The following MEI1 variants were observed in gnomAD, a reference collection of about 807,000 sequenced individuals.
MEI1 encodes the protein meiotic double-stranded break formation protein 1.
MEI1 carries 103 observed loss-of-function variants against 146.2 expected under a neutral mutation model. That is an observed-to-expected ratio of 0.70 (90% CI 0.60 to 0.83). The LOEUF (loss-of-function observed/expected upper bound fraction) is 0.83. MEI1 is among the 40% of genes least tolerant of loss of function. The pLI is 0.00. For synonymous variants in MEI1, 652 were observed against 628.2 expected (o/e 1.04, Z -0.57); for missense variants, 1,529 against 1,533.0 (o/e 1.00, Z 0.04).
intron 17 of MEI1, among the ~76,000 whole-genome samples, chr22:41,756,434 C>T (rs749832010): frequency 6.6e-6 from 1 of 151,268 alleles, no homozygotes; most frequent in Non-Finnish European, 1.5e-5. Context: ...CCGCACCTGG[C>T]CTTTATTCAA....
At chr22:41,765,163 G>C (rs2074761665) in intron 19 of MEI1, among the ~76,000 whole-genome samples, 1 of 152,126 alleles carries the variant, frequency 6.6e-6, no homozygotes, top group African/African-American at 2.4e-5. Flanking sequence ...TTATAGGCAT[G>C]TGCCACCACG....
Position 41,705,558 on chromosome 22 carries a change from A to G in MEI1, c.349+4A>G. The G allele has an allele frequency of 1.2e-6, 2 of 1,612,070 alleles. No homozygotes were observed. The highest frequency in any genetic ancestry group is 1.7e-6 in the Non-Finnish European group (2 of 1,178,196). On this transcript the variant is annotated splice_donor_region_variant and intron_variant, in intron 3 of 30. Transcript: ENST00000401548. ...GTGACAGACCTCTGTATTGAAGGTA[A>G]GTTGAAACCTTGTATCTAGCACTTG...
chr22:41,744,932 A>T, intron 12 of MEI1, 41 bp from the exon 13 acceptor site: 2 of 1,314,824 alleles, frequency 1.5e-6, no homozygotes, highest in Non-Finnish European at 2.1e-6. Flanking sequence ...GACACAGCAT[A>T]TACTTGATCA....
At chr22:41,723,881 C>G (rs561532410) in intron 6 of MEI1, 62 bp from the exon 7 acceptor site, 23 of 1,541,028 alleles carry the variant, frequency 1.5e-5, no homozygotes, top group Non-Finnish European at 2.0e-5. Context: ...GAGGGGCTAT[C>G]TTGGGAGTAC....
rs542200931 is a variant in MEI1 at position 41,784,512 on chromosome 22, A to C, written c.3169+92A>C. 3.1e-6 allele frequency: 5 copies of C among 1,594,210 alleles called. No homozygotes were observed. In the East Asian group the frequency reaches 1.1e-4, roughly 36 times the overall value. On this transcript the variant is annotated intron_variant, in intron 25 of 30. Coordinates refer to ENST00000401548, the MANE Select transcript of MEI1 (RefSeq NM_152513.4). ...CCTGACCAGCCAATGGTCACTCCAT[A>C]ATTGTCTCATCTTCATTGTCTCCCA...
intron 7 of MEI1, among the ~76,000 whole-genome samples, chr22:41,728,145 T>G (rs1276078445): frequency 1.3e-5 from 2 of 152,148 alleles, no homozygotes; most frequent in Non-Finnish European, 2.9e-5. Context: ...TCCATCAGCG[T>G]TCAGTTGAAA....
intron 6 of MEI1, among the ~76,000 whole-genome samples, chr22:41,722,469 T>A (rs1481136813): frequency 8.3e-6 from 1 of 120,176 alleles, no homozygotes; most frequent in Admixed American, 8.5e-5. Flanking sequence ...GCATTTTAAT[T>A]TTTTTTTTTT....
At chr22:41,764,872 C>T (rs750043415) in intron 19 of MEI1, among the ~76,000 whole-genome samples, 14 of 152,166 alleles carry the variant, frequency 9.2e-5, no homozygotes, top group Non-Finnish European at 1.8e-4. Flanking sequence ...TCAGTCAAGT[C>T]TGAGCTGGAG....
intron 3 of MEI1, 85 bp downstream of exon 3, chr22:41,705,639 TTGTC>T: frequency 8.3e-7 from 1 of 1,200,514 alleles, no homozygotes; most frequent in South Asian, 1.2e-5. Context: ...CTTGGCGAAA[TTGTC>T]TGTTTAGACA....
At position 41,745,954 on chromosome 22, in the gene MEI1, G is replaced by T; in HGVS notation, c.1608G>T (p.Lys536Asn). 6.2e-7 allele frequency: 1 copy of T among 1,613,610 alleles called. No homozygotes were observed. The highest frequency in any genetic ancestry group is 1.7e-5 in the Admixed American group (1 of 59,984). Reference sequence around the variant, plus strand: ...CATTCACAGCTCCCAGCGCCAAGAAGGAAGACACCTTGGAGGCCTTCTCAG... The same window carrying T: ...CATTCACAGCTCCCAGCGCCAAGAATGAAGACACCTTGGAGGCCTTCTCAG... ...ENPFTAPSAK[K>N]EDTLEAFSEF... The change falls in exon 14 of 31, where the codon AAG (lysine) becomes AAT (asparagine). Residue 536 changes from lysine (K) to asparagine (N), a missense_variant. Lys to Asn is a moderately conservative substitution (Grantham distance 94). Transcript: ENST00000401548.
In MEI1 at chr22:41,748,156, C is replaced by G. The variant is rs774431927; in HGVS notation, c.1730C>G (p.Ser577Ter). ...THPALMEVFL[S>*]ILHNLFVIVP... ...CCAGCTTTGATGGAAGTTTTCCTCTCAATTCTACATAACCTCTTTGTCATC... is the reference window on the plus strand; with the variant it reads ...CCAGCTTTGATGGAAGTTTTCCTCTGAATTCTACATAACCTCTTTGTCATC... The change falls in exon 15 of 31, where the codon TCA becomes TGA. Residue 577 changes from serine (S) to a stop codon, truncating the protein, a stop_gained. Transcript: ENST00000401548. LOFTEE classifies it high-confidence loss of function. The G allele has an allele frequency of 6.2e-7, 1 of 1,613,956 alleles. No homozygotes were observed. Among genetic ancestry groups the G allele is most frequent in the Non-Finnish European group, 8.5e-7 (1 of 1,179,880 alleles).
chr22:41,724,835 C>G (rs938239116), intron 7 of MEI1, among the ~76,000 whole-genome samples: 1 of 150,408 alleles, frequency 6.6e-6, no homozygotes, highest in African/African-American at 2.4e-5. Flanking sequence ...CGAGGTCTTG[C>G]TCTCTCCACT....
At chr22:41,747,787 A>G (rs945103435) in intron 14 of MEI1, among the ~76,000 whole-genome samples, 1 of 144,660 alleles carries the variant, frequency 6.9e-6, no homozygotes, top group African/African-American at 2.6e-5. Context: ...TATTATTACT[A>G]TCGTAATAGA....
intron 19 of MEI1, among the ~76,000 whole-genome samples, chr22:41,768,199 T>G (rs2074970509): frequency 1.3e-5 from 2 of 152,124 alleles, no homozygotes; most frequent in African/African-American, 4.8e-5. Flanking sequence ...CTGGGCAACA[T>G]GGTGAAACCC....
At chr22:41,735,707 T>G (rs2072303405) in intron 11 of MEI1, among the ~76,000 whole-genome samples, 1 of 152,216 alleles carries the variant, frequency 6.6e-6, no homozygotes, top group Non-Finnish European at 1.5e-5. Flanking sequence ...GAAAATTCTC[T>G]TTCATTTTGG....
intron 11 of MEI1, among the ~76,000 whole-genome samples, chr22:41,740,552 G>T (rs1278398716): frequency 6.6e-6 from 1 of 152,002 alleles, no homozygotes; most frequent in Non-Finnish European, 1.5e-5. Flanking sequence ...GACTAGCCTG[G>T]ATAACCTGAG....
In MEI1 at chr22:41,720,374, A is replaced by C. The variant is rs2070657052; in HGVS notation, c.733+2100A>C. Among the ~76,000 whole-genome samples, 4 of 152,296 alleles carry C rather than the reference A, an allele frequency of 2.6e-5. No homozygotes were observed. The South Asian group carries it at 8.3e-4, about 32-fold the overall frequency. On this transcript the variant is annotated intron_variant, in intron 6 of 30. Transcript: ENST00000401548. ...GTCCTACAGCTCACCTAACCACAGC[A>C]GAGGGAAATCTCAACTGGTTATACT...
At chr22:41,775,901 G>C in intron 20 of MEI1, 3 of 521,782 alleles carry the variant, frequency 5.7e-6, no homozygotes, top group African/African-American at 1.9e-5. Context: ...GCCTAGGATG[G>C]ACCTATTCTA....
Position 41,743,234 on chromosome 22 carries a change from G to A in MEI1, c.1446+40G>A, listed in dbSNP as rs1601872038. ...GCCTGCTGCTTCCGAAGATCATGCT[G>A]CAGTGTGTTTTTAGAAAGATAATTA... On this transcript the variant is annotated intron_variant, in intron 12 of 30. Transcript: ENST00000401548. 2.8e-6 allele frequency: 4 copies of A among 1,448,836 alleles called. No homozygotes were observed. In the East Asian group the frequency reaches 9.2e-5, roughly 33 times the overall value. 89.7% of individuals were successfully genotyped at this position (1,448,836 alleles called of 1,614,324 possible). A position where few individuals can be genotyped will look rare whatever the true frequency, so the allele number is the denominator to read the frequency against.
Sources: gnomAD v4.1 joint callset for allele counts (sites outside exome capture counted in the v4.1 genomes callset) on GRCh38, gnomAD v4.1.1 for gene constraint, MANE v1.5 for transcripts, NCBI Gene and HGNC (gene_info 2026-07-23, HGNC 2026-07-21) for gene names.